The following ADGRD1 variants were observed in gnomAD, a reference collection of about 807,000 sequenced individuals.
ADGRD1 encodes G-protein coupled receptor 133.
ADGRD1 carries 77 observed loss-of-function variants against 113.4 expected under a neutral mutation model. The ratio of observed to expected loss-of-function variants is 0.68; its 90% CI spans 0.57 to 0.82. The LOEUF (loss-of-function observed/expected upper bound fraction) is 0.82, where lower values mean the gene tolerates loss of function less well. Among genes scored for constraint, ADGRD1 ranks in the 40% least tolerant of loss-of-function variants. The pLI, the probability that ADGRD1 is intolerant of heterozygous loss-of-function variation, is 0.00. For synonymous variants in ADGRD1, 474 were observed against 475.0 expected, an observed-to-expected ratio of 1.00 and a Z score of 0.03; for missense variants, 1,036 against 1,139.1, an observed-to-expected ratio of 0.91 and a Z score of 1.30.
chr12:130,991,233 A>T, intron 7 of ADGRD1, 155 bp downstream of exon 7: 1 of 602,788 alleles, frequency 1.7e-6, no homozygotes, highest in Non-Finnish European at 2.9e-6. Context: ...AGCCAACTGC[A>T]GTACTAATTC....
intron 2 of ADGRD1, among the ~76,000 whole-genome samples, chr12:130,961,908 A>C (rs1235010972): frequency 6.6e-6 from 1 of 152,208 alleles, no homozygotes; most frequent in Non-Finnish European, 1.5e-5. Context: ...GCAGAGCCGC[A>C]ATGCTTCGTT....
At chr12:131,042,651 G>A (rs1882254973) in intron 13 of ADGRD1, among the ~76,000 whole-genome samples, 2 of 152,158 alleles carry the variant, frequency 1.3e-5, no homozygotes, top group South Asian at 2.1e-4. Flanking sequence ...CTCCGTGTTC[G>A]GTCCCGGTGG....
At chr12:131,098,344 C>T (rs1005666770) in intron 15 of ADGRD1, among the ~76,000 whole-genome samples, 3 of 152,036 alleles carry the variant, frequency 2.0e-5, no homozygotes, top group East Asian at 1.9e-4. Context: ...CTGGAGCATG[C>T]GGGGCCTCAG....
In ADGRD1 at chr12:131,085,912, C is replaced by A. The variant is rs545934854; in HGVS notation, c.1671+1249C>A. On this transcript the variant is annotated intron_variant, in intron 15 of 24. Coordinates refer to ENST00000261654, the MANE Select transcript of ADGRD1 (RefSeq NM_198827.5). ...GCGGAGCCCTGGTCTTTTAGAGCCT[C>A]ATGTGCTCATCGTGGCCACTGACTT... is the stretch of plus-strand genomic sequence containing the variant. Among the ~76,000 whole-genome samples the A allele has an allele frequency of 3.9e-5, 6 of 152,224 alleles. No individual in the cohort carries two copies. In the South Asian group the frequency reaches 1.0e-3, roughly 26 times the overall value.
chr12:131,003,180 T>C lies in ADGRD1; in HGVS notation c.1027-5T>C. 6.2e-7 allele frequency: 1 copy of C among 1,609,236 alleles called. No homozygotes were observed. The highest frequency in any genetic ancestry group is 8.5e-7 in the Non-Finnish European group (1 of 1,175,678). ...TCATGGCTCCTGGTGCTTGTGTTGC[T>C]GCAGGACAGCGCCGTGGTACTGAGT... On this transcript the variant is annotated splice_region_variant and splice_polypyrimidine_tract_variant and intron_variant, in intron 9 of 24. Coordinates refer to ENST00000261654, the MANE Select transcript of ADGRD1 (RefSeq NM_198827.5). This position sits in a 1 kb window ranked among gnomAD's most constrained non-coding sequence, Gnocchi z 4.8.
chr12:131,033,502 CT>C (rs1402224594), intron 13 of ADGRD1, among the ~76,000 whole-genome samples: 3 of 152,252 alleles, frequency 2.0e-5, no homozygotes, highest in Admixed American at 6.5e-5. Context: ...TCGGAGCCCC[CT>C]GAACGCAGGG....
intron 21 of ADGRD1, among the ~76,000 whole-genome samples, chr12:131,132,647 C>A (rs1422269798): frequency 2.0e-5 from 3 of 152,200 alleles, no homozygotes; most frequent in Non-Finnish European, 4.4e-5. Flanking sequence ...CCTGTCCCAC[C>A]TGCTGAGACG....
Position 131,101,377 on chromosome 12 carries a change from C to CTTTTTTTTTTTTTTTTTTTTT in ADGRD1, c.1672-3447_1672-3427dup, listed in dbSNP as rs71095334. On this transcript the variant is annotated intron_variant, in intron 15 of 24. Transcript: ENST00000261654. ...TTATTTTTTTTCTTTTTCTTTCTTT[C>CTTTTTTTTTTTTTTTTTTTTT]TTTTTTTTTTTTTTTTTTTTTTTTT... Among the ~76,000 whole-genome samples, 12 of 36,130 alleles carry CTTTTTTTTTTTTTTTTTTTTT rather than the reference C, an allele frequency of 3.3e-4. 2 individuals are homozygous for CTTTTTTTTTTTTTTTTTTTTT. Among genetic ancestry groups the CTTTTTTTTTTTTTTTTTTTTT allele is most frequent in the Admixed American group, 9.8e-4 (2 of 2,040 alleles). The allele number at this position is 36,130 out of a possible 152,430, so 23.7% of individuals were successfully genotyped here. A position where few individuals can be genotyped will look rare whatever the true frequency, so the allele number is the denominator to read the frequency against.
chr12:131,114,637 TGG>T (rs1266825755), intron 18 of ADGRD1, among the ~76,000 whole-genome samples: 1 of 151,966 alleles, frequency 6.6e-6, no homozygotes, highest in Admixed American at 6.6e-5. Context: ...CAGAGCATGG[TGG>T]GGGGAGCCCC....
At chr12:131,129,882 A>G (rs1270885737) in intron 20 of ADGRD1, among the ~76,000 whole-genome samples, 2 of 152,254 alleles carry the variant, frequency 1.3e-5, no homozygotes, top group African/African-American at 4.8e-5. Context: ...TGGAGGCACG[A>G]AAGTGCTTCC....
intron 5 of ADGRD1, among the ~76,000 whole-genome samples, chr12:130,982,297 C>G (rs1873102576): frequency 6.6e-6 from 1 of 152,202 alleles, no homozygotes; most frequent in African/African-American, 2.4e-5. Flanking sequence ...TGCCCGTGCA[C>G]TGTGTGCCTG....
chr12:131,090,649 C>G (rs575943496), intron 15 of ADGRD1, among the ~76,000 whole-genome samples: 4 of 152,212 alleles, frequency 2.6e-5, no homozygotes, highest in Non-Finnish European at 4.4e-5. Flanking sequence ...AAACGACACT[C>G]TGTCTTTGCA....
chr12:131,064,695 G>A (rs1366179325), intron 13 of ADGRD1, among the ~76,000 whole-genome samples: 2 of 152,210 alleles, frequency 1.3e-5, no homozygotes, highest in African/African-American at 4.8e-5. Flanking sequence ...ACTCAATTGA[G>A]GATCCCATAT....
chr12:131,046,126 G>T (rs1178512726), intron 13 of ADGRD1, among the ~76,000 whole-genome samples: 12 of 142,466 alleles, frequency 8.4e-5, no homozygotes, highest in African/African-American at 7.8e-5. Context: ...GTCCTCCCTG[G>T]TCAGTGCTCC....
At chr12:131,088,875 T>G (rs1360104300) in intron 15 of ADGRD1, among the ~76,000 whole-genome samples, 2 of 152,142 alleles carry the variant, frequency 1.3e-5, no homozygotes, top group Non-Finnish European at 2.9e-5. Flanking sequence ...TTCTGAGCCA[T>G]ATGTGAGAGG....
chr12:131,137,244 T>A, intron 23 of ADGRD1: 2 of 593,746 alleles, frequency 3.4e-6, no homozygotes, highest in South Asian at 3.9e-5. Flanking sequence ...CCCTGGAGAA[T>A]TGGCGACTGC....
chr12:131,022,313 T>G lies in ADGRD1; in HGVS notation c.1473+7973T>G, dbSNP rs1448253545. Among the ~76,000 whole-genome samples the G allele has an allele frequency of 1.3e-5, 2 of 152,170 alleles. No homozygotes were observed. The highest frequency in any genetic ancestry group is 2.1e-4 in the South Asian group (1 of 4,834). On this transcript the variant is annotated intron_variant, in intron 13 of 24. Transcript: ENST00000261654. The surrounding 1 kb of genome is among the most constrained non-coding windows in gnomAD (Gnocchi z 4.6). ...TTGCCTAGAATAAATATCTTGGTGG[T>G]GGGGAGATACCGTGAAACTACACAA...
Position 131,041,521 on chromosome 12 carries a change from G to A in ADGRD1, c.1473+27181G>A, listed in dbSNP as rs1468664447. Among the ~76,000 whole-genome samples the A allele has an allele frequency of 8.5e-5, 13 of 152,262 alleles. No homozygotes were observed. The highest frequency in any genetic ancestry group is 1.5e-4 in the Non-Finnish European group (10 of 68,014). The stretch of plus-strand genomic sequence containing the variant: ...AGACCGAGACCACTTTGTGACCTCC[G>A]CAGGGAGACGGAGACTGTGGTGGCC... On this transcript the variant is annotated intron_variant, in intron 13 of 24. Coordinates refer to ENST00000261654, the MANE Select transcript of ADGRD1 (RefSeq NM_198827.5). This position sits in a 1 kb window ranked among gnomAD's most constrained non-coding sequence, Gnocchi z 4.4.
Position 131,079,087 on chromosome 12 carries a change from T to C in ADGRD1, c.1547+2213T>C, listed in dbSNP as rs541510489. Among the ~76,000 whole-genome samples, 13 of 152,316 alleles carry C rather than the reference T, an allele frequency of 8.5e-5. 1 individual carries two copies. In the South Asian group the frequency reaches 2.7e-3, roughly 32 times the overall value. Reference sequence around the variant, plus strand: ...AGTTTTGCTTCTGCCAGAGTGTGCATAGATGGAATCATGGCGCAGGAAGCC... The same window carrying C: ...AGTTTTGCTTCTGCCAGAGTGTGCACAGATGGAATCATGGCGCAGGAAGCC... On this transcript the variant is annotated intron_variant, in intron 14 of 24. Coordinates refer to ENST00000261654, the MANE Select transcript of ADGRD1 (RefSeq NM_198827.5).
Sources: gnomAD v4.1 joint callset for allele counts (sites outside exome capture counted in the v4.1 genomes callset) on GRCh38, gnomAD v4.1.1 for gene constraint, Gnocchi (gnomAD v3.1) non-coding constraint, MANE v1.5 for transcripts, NCBI Gene and HGNC (gene_info 2026-07-23, HGNC 2026-07-21) for gene names.